LRRC4C: variants seen among roughly 807,000 people sequenced by gnomAD.
LRRC4C encodes the protein leucine rich repeat containing 4C, also known as leucine-rich repeat-containing protein 4C.
In LRRC4C, 5 loss-of-function variants were observed where a neutral mutation model predicts 33.6. That is an observed-to-expected ratio of 0.15 (90% CI 0.08 to 0.31). The LOEUF (loss-of-function observed/expected upper bound fraction) is 0.31, where lower values mean the gene tolerates loss of function less well. LRRC4C is among the 10% of genes least tolerant of loss of function. The probability of loss-of-function intolerance (pLI) is 1.00; values close to 1 mark genes in which losing one functional copy is unlikely to be tolerated. For missense variants in LRRC4C, 560 were observed against 796.7 expected (o/e 0.70, Z 3.58); for synonymous variants, 329 against 302.0 (o/e 1.09, Z -0.93).
Position 41,290,063 on chromosome 11 carries a change from T to A in LRRC4C, c.-496+169368A>T, listed in dbSNP as rs542288580. The stretch of plus-strand genomic sequence containing the variant: ...AGTGATACACTGCTGTGGTGATATA[T>A]GTGTTTTCCACACACATTTTATAGA... On this transcript the variant is annotated intron_variant, in intron 1 of 6. Coordinates refer to ENST00000528697, the MANE Select transcript of LRRC4C (RefSeq NM_001258419.2). Among the ~76,000 whole-genome samples the A allele has an allele frequency of 2.6e-5, 4 of 152,336 alleles. No homozygotes were observed. The South Asian group carries it at 8.3e-4, about 32-fold the overall frequency.
At chr11:41,427,594 G>A (rs927730370) in intron 1 of LRRC4C, among the ~76,000 whole-genome samples, 6 of 152,074 alleles carry the variant, frequency 3.9e-5, no homozygotes, top group African/African-American at 7.2e-5. Context: ...AAGATTTAAG[G>A]CAATGACAAG....
chr11:40,252,785 G>A (rs1030356761), intron 4 of LRRC4C, among the ~76,000 whole-genome samples: 12 of 152,118 alleles, frequency 7.9e-5, no homozygotes, highest in African/African-American at 2.9e-4. Flanking sequence ...AAAGATTTAT[G>A]TAATCCATAT....
chr11:40,341,608 A>G (rs1331395554), intron 3 of LRRC4C, among the ~76,000 whole-genome samples: 1 of 152,178 alleles, frequency 6.6e-6, no homozygotes, highest in Non-Finnish European at 1.5e-5. Context: ...TAATGGGTGC[A>G]GCACACCAAC....
chr11:40,862,683 G>C (rs1409294668), intron 2 of LRRC4C, among the ~76,000 whole-genome samples: 1 of 152,106 alleles, frequency 6.6e-6, no homozygotes, highest in Non-Finnish European at 1.5e-5. Flanking sequence ...GGGAATACAA[G>C]GACATCATGG....
chr11:40,510,212 TATATATATATATCTC>T (rs1174797525), intron 3 of LRRC4C, among the ~76,000 whole-genome samples: 3 of 140,892 alleles, frequency 2.1e-5, no homozygotes, highest in African/African-American at 8.8e-5. Context: ...TATATGTATT[TATATATATATATCTC>T]ATATATATAT....
At chr11:40,935,870 A>C (rs1957857654) in intron 1 of LRRC4C, among the ~76,000 whole-genome samples, 1 of 151,282 alleles carries the variant, frequency 6.6e-6, no homozygotes, top group South Asian at 2.1e-4. Flanking sequence ...TTAGTGATGT[A>C]ACTTCATTCT....
At chr11:41,442,803 G>T (rs142004467) in intron 1 of LRRC4C, among the ~76,000 whole-genome samples, 1 of 152,120 alleles carries the variant, frequency 6.6e-6, no homozygotes, top group South Asian at 2.1e-4. Flanking sequence ...ACAGCCATTA[G>T]ATTTTTATAC....
chr11:40,164,605 G>C (rs1249595235), intron 5 of LRRC4C, among the ~76,000 whole-genome samples: 1 of 152,124 alleles, frequency 6.6e-6, no homozygotes, highest in Admixed American at 6.5e-5. Context: ...GACAGCACTA[G>C]AAAGACAAAT....
intron 3 of LRRC4C, among the ~76,000 whole-genome samples, chr11:40,472,012 G>A (rs1056537267): frequency 2.6e-5 from 4 of 151,954 alleles, no homozygotes; most frequent in Non-Finnish European, 4.4e-5. Context: ...AAACTCACTC[G>A]AGGCCGGGCA....
intron 1 of LRRC4C, among the ~76,000 whole-genome samples, chr11:40,946,983 A>G (rs1247655751): frequency 2.0e-5 from 3 of 152,190 alleles, no homozygotes; most frequent in Non-Finnish European, 2.9e-5. Flanking sequence ...CTACACAATT[A>G]TGTAGAAATT....
chr11:40,614,657 C>A (rs1056355795), intron 3 of LRRC4C, among the ~76,000 whole-genome samples: 1 of 151,628 alleles, frequency 6.6e-6, no homozygotes, highest in African/African-American at 2.4e-5. Context: ...CTTCACTGAG[C>A]TTAATCATTT....
intron 6 of LRRC4C, among the ~76,000 whole-genome samples, chr11:40,131,873 C>A (rs907560345): frequency 2.0e-5 from 3 of 152,014 alleles, no homozygotes; most frequent in Non-Finnish European, 4.4e-5. Flanking sequence ...CAATTAAGTT[C>A]TCTTAGTTTT....
chr11:40,510,023 T>C (rs1439713117), intron 3 of LRRC4C, among the ~76,000 whole-genome samples: 1 of 152,100 alleles, frequency 6.6e-6, no homozygotes, highest in Non-Finnish European at 1.5e-5. Flanking sequence ...ACAAGTGCCA[T>C]CTTCAGCTTC....
chr11:41,099,439 C>T (rs1488831456), intron 1 of LRRC4C, among the ~76,000 whole-genome samples: 1 of 151,266 alleles, frequency 6.6e-6, no homozygotes, highest in Non-Finnish European at 1.5e-5. Context: ...TACAAAAATC[C>T]TCAACAAAAT....
chr11:40,429,573 A>AC (rs1385231856), intron 3 of LRRC4C, among the ~76,000 whole-genome samples: 1 of 151,914 alleles, frequency 6.6e-6, no homozygotes, highest in Non-Finnish European at 1.5e-5. Context: ...AATAATAAAA[A>AC]AAAAACAAAA....
intron 1 of LRRC4C, among the ~76,000 whole-genome samples, chr11:41,026,472 G>A (rs2137753555): frequency 6.6e-6 from 1 of 151,610 alleles, no homozygotes. Flanking sequence ...GTGATTTCTT[G>A]AGATTTAGAA....
intron 1 of LRRC4C, among the ~76,000 whole-genome samples, chr11:41,139,730 TC>T (rs1943421404): frequency 6.6e-6 from 1 of 152,014 alleles, no homozygotes; most frequent in South Asian, 2.1e-4. Flanking sequence ...AGCAGTTGGA[TC>T]CCTTTCTTTA....
intron 2 of LRRC4C, among the ~76,000 whole-genome samples, chr11:40,772,812 A>G (rs1949814010): frequency 6.6e-6 from 1 of 152,198 alleles, no homozygotes; most frequent in Non-Finnish European, 1.5e-5. Context: ...AAAATCTAAA[A>G]ATAGTATTAC....
At chr11:41,322,176 T>G (rs1413982394) in intron 1 of LRRC4C, among the ~76,000 whole-genome samples, 1 of 152,006 alleles carries the variant, frequency 6.6e-6, no homozygotes, top group East Asian at 1.9e-4. Context: ...TATGTTAAAC[T>G]GTTTCTGTGA....
Sources: allele counts gnomAD v4.1 joint callset (sites outside exome capture counted in the v4.1 genomes callset), GRCh38; gene constraint gnomAD v4.1.1; transcripts MANE v1.5; gene names NCBI Gene and HGNC (gene_info 2026-07-23, HGNC 2026-07-21).